CDCA4: variants seen among roughly 807,000 people sequenced by gnomAD.
CDCA4 encodes the protein cell division cycle associated 4.
For synonymous variants in CDCA4, 130 were observed against 137.0 expected, an observed-to-expected ratio of 0.95 and a Z score of 0.36; for missense variants, 294 against 322.1, an observed-to-expected ratio of 0.91 and a Z score of 0.67.
At chr14:105,018,911 A>AT in intron 1 of CDCA4, among the ~76,000 whole-genome samples, 1 of 151,542 alleles carries the variant, frequency 6.6e-6, no homozygotes, top group Middle Eastern at 3.4e-3. Context: ...TAATTTTTGT[A>AT]TTTTTTGTAG....
chr14:105,011,691 C>T lies in CDCA4; in HGVS notation c.239G>A (p.Arg80His), dbSNP rs752564841. The T allele has an allele frequency of 6.2e-6, 10 of 1,613,446 alleles. No homozygotes were observed. Among genetic ancestry groups the T allele is most frequent in the Non-Finnish European group, 8.5e-6 (10 of 1,179,936 alleles). Residue 80 changes from arginine (R) to histidine (H), a missense_variant, in exon 2 of 2, where the codon CGC becomes CAC. By Grantham distance (29) the Arg-to-His change is conservative (BLOSUM62 0). Transcript: ENST00000336219. ...CTCTGCAGCCTGGGGTGCCACTGTG[C>T]GCCACGTCCCATCCTGCGTCATCTC... is the stretch of plus-strand genomic sequence containing the variant. ...QEEMTQDGTW[R>H]TVAPQAAERA...
At chr14:105,019,217 G>A (rs115946332) in intron 1 of CDCA4, among the ~76,000 whole-genome samples, 1,538 of 152,328 alleles carry the variant, frequency 0.01, 31 homozygotes, top group African/African-American at 0.036. Context: ...CTGAGGACAT[G>A]TCCGACATGG....
At chr14:105,014,821 C>A (rs10147484) in intron 1 of CDCA4, among the ~76,000 whole-genome samples, 78,211 of 152,090 alleles carry the variant, frequency 0.51, 22,781 homozygotes, top group Non-Finnish European at 0.66. Context: ...GTTTCTCTTT[C>A]AACCTATCTC....
chr14:105,011,723 G>A lies in CDCA4; in HGVS notation c.207C>T (p.Ile69=). 1 of 1,613,678 alleles carries A rather than the reference G, an allele frequency of 6.2e-7. No homozygotes were observed. The highest frequency in any genetic ancestry group is 8.5e-7 in the Non-Finnish European group (1 of 1,180,028). The change falls in exon 2 of 2, where the codon ATC becomes ATT. Residue 69 remains isoleucine, a synonymous_variant. Coordinates refer to ENST00000336219, the MANE Select transcript of CDCA4 (RefSeq NM_017955.4). ...TCCCATCCTGCGTCATCTCCTCTTGGATCTGCCGGACCGTGTTGGCAATGA... is the reference window on the plus strand; with the variant it reads ...TCCCATCCTGCGTCATCTCCTCTTGAATCTGCCGGACCGTGTTGGCAATGA... ...SVLIANTVRQ[I]QEEMTQDGTW...
Position 105,011,362 on chromosome 14 carries a change from C to G in CDCA4, c.568G>C (p.Asp190His), listed in dbSNP as rs137858564. 1.9e-6 allele frequency: 3 copies of G among 1,614,198 alleles called. No individual in the cohort carries two copies. Among genetic ancestry groups the G allele is most frequent in the Admixed American group, 3.3e-5 (2 of 60,032 alleles). Residue 190 changes from aspartate to histidine, a missense_variant, in exon 2 of 2, where the codon GAC (aspartate) becomes CAC (histidine). Coordinates refer to ENST00000336219, the MANE Select transcript of CDCA4 (RefSeq NM_017955.4). ...LFSDVDSPYY[D>H]LDTVLTGMMG... Reference sequence around the variant, plus strand: ...ATGCCTGTCAGTACTGTGTCCAGGTCGTAGTAGGGGCTGTCCACGTCTGAG... The same window carrying G: ...ATGCCTGTCAGTACTGTGTCCAGGTGGTAGTAGGGGCTGTCCACGTCTGAG...
At chr14:105,016,784 C>T (rs1445471727) in intron 1 of CDCA4, among the ~76,000 whole-genome samples, 1 of 152,234 alleles carries the variant, frequency 6.6e-6, no homozygotes, top group Admixed American at 6.5e-5. Context: ...CTGAGGTTGG[C>T]TTTTCTCCTT....
At chr14:105,012,380 G>A (rs927946733) in intron 1 of CDCA4, among the ~76,000 whole-genome samples, 2 of 152,236 alleles carry the variant, frequency 1.3e-5, no homozygotes, top group African/African-American at 2.4e-5. Context: ...GAGGGCGCAG[G>A]GCGGGGGCCG....
Position 105,011,861 on chromosome 14 carries a change from G to C in CDCA4, c.69C>G (p.Gly23=), listed in dbSNP as rs749278109. The C allele has an allele frequency of 6.2e-7, 1 of 1,613,942 alleles. No homozygotes were observed. The highest frequency in any genetic ancestry group is 1.1e-5 in the South Asian group (1 of 91,082). ...GGCTGTATGAGGACACTGTCTTCAA[G>C]CCGGCCAGGGCTCCCTCCACGTCTT... ...HEEDVEGALA[G]LKTVSSYSLQ... Residue 23 remains glycine (G), a synonymous_variant, in exon 2 of 2, where the codon GGC becomes GGG. Coordinates refer to ENST00000336219, the MANE Select transcript of CDCA4 (RefSeq NM_017955.4).
In CDCA4 at chr14:105,011,696, C is replaced by T. The variant is rs763730961; in HGVS notation, c.234G>A (p.Thr78=). The T allele has an allele frequency of 7.9e-5, 128 of 1,613,596 alleles. No individual in the cohort carries two copies. Among genetic ancestry groups the T allele is most frequent in the Non-Finnish European group, 1.0e-4 (122 of 1,179,978 alleles). Residue 78 remains threonine (T), a synonymous_variant, in exon 2 of 2, where the codon ACG becomes ACA. Coordinates refer to ENST00000336219, the MANE Select transcript of CDCA4 (RefSeq NM_017955.4). The stretch of plus-strand genomic sequence containing the variant: ...CAGCCTGGGGTGCCACTGTGCGCCA[C>T]GTCCCATCCTGCGTCATCTCCTCTT... The part of the protein sequence containing the change: ...QIQEEMTQDG[T]WRTVAPQAAE...
chr14:105,016,419 G>A (rs1270798816), intron 1 of CDCA4, among the ~76,000 whole-genome samples: 1 of 152,110 alleles, frequency 6.6e-6, no homozygotes, highest in Non-Finnish European at 1.5e-5. Context: ...CCTTAGCCTC[G>A]GCTCTTTACT....
chr14:105,020,558 ATCCGCGGCCCTC>A (rs1886203458), intron 1 of CDCA4, among the ~76,000 whole-genome samples: 1 of 152,226 alleles, frequency 6.6e-6, no homozygotes, highest in Admixed American at 6.5e-5. Flanking sequence ...CTCCTCCCAC[ATCCGCGGCCCTC>A]TCCGCGGCCG....
intron 1 of CDCA4, among the ~76,000 whole-genome samples, chr14:105,013,704 C>T (rs1209958658): frequency 6.6e-6 from 1 of 152,106 alleles, no homozygotes; most frequent in Non-Finnish European, 1.5e-5. Flanking sequence ...ACCTGCTGGT[C>T]CTACCCTTGA....
intron 1 of CDCA4, among the ~76,000 whole-genome samples, chr14:105,014,712 ATAAGGCTATGTCAAACTAC>A (rs758203917): frequency 1.4e-4 from 22 of 152,366 alleles, no homozygotes; most frequent in Non-Finnish European, 2.9e-4. Flanking sequence ...GAGAATTAAC[ATAAGGCTATGTCAAACTAC>A]AAAGGACACC....
rs954979425 is a variant in CDCA4 at position 105,011,734 on chromosome 14, C to T, written c.196G>A (p.Val66Ile). The change falls in exon 2 of 2, where the codon GTC becomes ATC. Residue 66 changes from valine (V) to isoleucine (I), a missense_variant. Transcript: ENST00000336219. Reference protein sequence around the residue: ...LCRSVLIANTVRQIQEEMTQD... With the variant: ...LCRSVLIANTIRQIQEEMTQD... The stretch of plus-strand genomic sequence containing the variant: ...GTCATCTCCTCTTGGATCTGCCGGA[C>T]CGTGTTGGCAATGAGGACTGAGCGG... 1.9e-6 allele frequency: 3 copies of T among 1,613,704 alleles called. No individual in the cohort carries two copies. Among genetic ancestry groups the T allele is most frequent in the Non-Finnish European group, 8.5e-7 (1 of 1,180,028 alleles).
At chr14:105,018,008 C>G (rs1295044304) in intron 1 of CDCA4, among the ~76,000 whole-genome samples, 1 of 151,972 alleles carries the variant, frequency 6.6e-6, no homozygotes, top group Non-Finnish European at 1.5e-5. Context: ...AAATATGTAC[C>G]GTAGGATTCT....
At chr14:105,017,972 G>T (rs1566939883) in intron 1 of CDCA4, among the ~76,000 whole-genome samples, 1 of 152,082 alleles carries the variant, frequency 6.6e-6, no homozygotes, top group Non-Finnish European at 1.5e-5. Flanking sequence ...ACATTATGCT[G>T]AATAAAAGCA....
chr14:105,018,819 C>T (rs1363067742), intron 1 of CDCA4, among the ~76,000 whole-genome samples: 1 of 151,744 alleles, frequency 6.6e-6, no homozygotes, highest in Admixed American at 6.6e-5. Context: ...TCACTGCAAC[C>T]TCCACCTCCC....
chr14:105,019,450 T>C (rs1034901512), intron 1 of CDCA4, among the ~76,000 whole-genome samples: 7 of 152,194 alleles, frequency 4.6e-5, no homozygotes, highest in South Asian at 2.1e-4. Context: ...GCTGGGACGG[T>C]TGGGGACAGA....
chr14:105,009,756 G>T lies in CDCA4; in HGVS notation c.*1448C>A, dbSNP rs561705054. On this transcript the variant is annotated 3_prime_UTR_variant, in exon 2 of 2. Coordinates refer to ENST00000336219, the MANE Select transcript of CDCA4 (RefSeq NM_017955.4). ...AGCCGGGCGCTGAACAATGTAAAAA[G>T]AATTTGCTCTGCAACCCTGTGGGGG... The T allele has an allele frequency of 6.8e-6, 1 of 146,650 alleles. No individual in the cohort carries two copies. The highest frequency in any genetic ancestry group is 2.3e-4 in the South Asian group (1 of 4,280). 9.1% of individuals were successfully genotyped at this position (146,650 alleles called of 1,614,324 possible). A position where few individuals can be genotyped will look rare whatever the true frequency, so the allele number is the denominator to read the frequency against.
Sources: allele counts gnomAD v4.1 joint callset (sites outside exome capture counted in the v4.1 genomes callset), GRCh38; gene constraint gnomAD v4.1.1; transcripts MANE v1.5; gene names NCBI Gene and HGNC (gene_info 2026-07-23, HGNC 2026-07-21).